Variants in FBXL13 observed in about 807,000 individuals in gnomAD.
The protein encoded by FBXL13 is F-box and leucine-rich repeat protein 13.
A neutral mutation model predicts 83.6 loss-of-function variants in FBXL13; 67 were observed. The ratio of observed to expected loss-of-function variants is 0.80; its 90% CI spans 0.66 to 0.98. FBXL13 has a LOEUF of 0.98. FBXL13 is among the 50% of genes least tolerant of loss of function. FBXL13 has a pLI of 0.00. For synonymous variants in FBXL13, 272 were observed against 299.5 expected (o/e 0.91, Z 0.95); for missense variants, 822 against 866.5 (o/e 0.95, Z 0.64).
At chr7:103,041,357 G>T (rs1466092670) in intron 2 of FBXL13, among the ~76,000 whole-genome samples, 1 of 152,082 alleles carries the variant, frequency 6.6e-6, no homozygotes, top group Non-Finnish European at 1.5e-5. Context: ...AAAAGACCAG[G>T]ACCAGACGGA....
At chr7:102,955,553 G>A (rs1160336649) in intron 8 of FBXL13, among the ~76,000 whole-genome samples, 2 of 148,522 alleles carry the variant, frequency 1.3e-5, no homozygotes, top group Admixed American at 6.7e-5. Context: ...AACTGAAAGA[G>A]ATAGAGACAC....
At chr7:102,846,241 T>G (rs1803924953) in intron 17 of FBXL13, among the ~76,000 whole-genome samples, 1 of 152,196 alleles carries the variant, frequency 6.6e-6, no homozygotes, top group Non-Finnish European at 1.5e-5. Flanking sequence ...AACAAACAGA[T>G]TATCCATGTC....
intron 6 of FBXL13, among the ~76,000 whole-genome samples, chr7:102,994,769 G>C (rs573577092): frequency 6.6e-6 from 1 of 152,236 alleles, no homozygotes; most frequent in East Asian, 1.9e-4. Flanking sequence ...AATGCTGCTG[G>C]CTTCTGATTG....
chr7:102,887,440 A>C (rs1397307877), intron 11 of FBXL13, among the ~76,000 whole-genome samples: 6 of 147,730 alleles, frequency 4.1e-5, no homozygotes, highest in Non-Finnish European at 7.4e-5. Context: ...CACACACACA[A>C]ACATCCAAGT....
intron 6 of FBXL13, among the ~76,000 whole-genome samples, chr7:103,018,068 CAGAA>C (rs1287059147): frequency 6.6e-6 from 1 of 152,026 alleles, no homozygotes; most frequent in Non-Finnish European, 1.5e-5. Flanking sequence ...TAAGGGCAGC[CAGAA>C]AGAAAGGTCA....
chr7:102,958,588 A>C (rs183265828), intron 8 of FBXL13, among the ~76,000 whole-genome samples: 237 of 151,238 alleles, frequency 1.6e-3, no homozygotes, highest in Non-Finnish European at 2.5e-3. Flanking sequence ...CAGAGAGAGC[A>C]AATTTGGGTG....
At chr7:102,838,086 C>T (rs1490757542) in intron 17 of FBXL13, among the ~76,000 whole-genome samples, 1 of 152,192 alleles carries the variant, frequency 6.6e-6, no homozygotes, top group Non-Finnish European at 1.5e-5. Flanking sequence ...TCTTCTCACT[C>T]GGTTCAGTAA....
At chr7:102,879,472 T>TGTGTGC (rs1809722902) in intron 14 of FBXL13, among the ~76,000 whole-genome samples, 1 of 151,162 alleles carries the variant, frequency 6.6e-6, no homozygotes, top group Non-Finnish European at 1.5e-5. Context: ...TGTGTGTGTG[T>TGTGTGC]AGAAATTCAT....
chr7:102,852,727 T>G (rs1333885901), intron 17 of FBXL13, among the ~76,000 whole-genome samples: 2 of 152,186 alleles, frequency 1.3e-5, no homozygotes, highest in African/African-American at 4.8e-5. Context: ...GGAACACTTC[T>G]GCACTACTGG....
At chr7:103,061,195 TC>T (rs1248447404) in intron 1 of FBXL13, among the ~76,000 whole-genome samples, 126 of 151,918 alleles carry the variant, frequency 8.3e-4, no homozygotes, top group Non-Finnish European at 9.1e-4. Context: ...TTTGTTTTTT[TC>T]TTTTTTGTTT....
intron 2 of FBXL13, among the ~76,000 whole-genome samples, chr7:103,034,525 C>T (rs192757657): frequency 3.7e-4 from 56 of 152,370 alleles, no homozygotes; most frequent in Non-Finnish European, 1.2e-4. Context: ...CACGCCCACC[C>T]GGAACTCCCG....
intron 6 of FBXL13, among the ~76,000 whole-genome samples, chr7:103,022,301 T>A (rs1793282107): frequency 7.0e-6 from 1 of 143,598 alleles, no homozygotes; most frequent in African/African-American, 2.6e-5. Flanking sequence ...GGACACAGGA[T>A]GGGGAACACC....
At chr7:102,975,806 T>G (rs879402811) in intron 6 of FBXL13, 2 of 604,016 alleles carry the variant, frequency 3.3e-6, no homozygotes, top group Non-Finnish European at 5.9e-6. Flanking sequence ...TTTCTTAATT[T>G]AGCCTTCAAA....
intron 6 of FBXL13, among the ~76,000 whole-genome samples, chr7:102,991,189 G>A (rs1829524032): frequency 1.3e-5 from 2 of 152,184 alleles, no homozygotes; most frequent in African/African-American, 4.8e-5. Flanking sequence ...ATGCAGTAGG[G>A]GGTAAAAGAG....
intron 2 of FBXL13, among the ~76,000 whole-genome samples, chr7:103,038,464 C>A (rs137867137): frequency 1.3e-5 from 2 of 152,374 alleles, no homozygotes; most frequent in African/African-American, 4.8e-5. Context: ...AGCAGTGATT[C>A]TCTCAGCACG....
chr7:102,935,242 C>CTTTTTTTTTTTTT (rs71106700), intron 8 of FBXL13, among the ~76,000 whole-genome samples: 1 of 76,402 alleles, frequency 1.3e-5, no homozygotes, highest in Non-Finnish European at 2.3e-5. Flanking sequence ...TTTTTTCTTT[C>CTTTTTTTTTTTTT]TTTTTTTTTT....
intron 7 of FBXL13, among the ~76,000 whole-genome samples, chr7:102,964,400 A>AT (rs1442338572): frequency 1.5e-5 from 2 of 135,496 alleles, no homozygotes; most frequent in South Asian, 4.3e-4. Context: ...CTATATATAT[A>AT]TATATTTTTT....
intron 16 of FBXL13, among the ~76,000 whole-genome samples, chr7:102,869,917 G>A (rs556628094): frequency 6.6e-6 from 1 of 152,316 alleles, no homozygotes; most frequent in East Asian, 1.9e-4. Context: ...GCCAGGGGCA[G>A]TGGGGATGGA....
At chr7:102,873,355 C>G (rs534908865) in intron 16 of FBXL13, among the ~76,000 whole-genome samples, 1 of 152,340 alleles carries the variant, frequency 6.6e-6, no homozygotes, top group East Asian at 1.9e-4. Context: ...TGCAGATGCT[C>G]AAGCCAAAAA....
Sources: allele counts gnomAD v4.1 joint callset (sites outside exome capture counted in the v4.1 genomes callset), GRCh38; gene constraint gnomAD v4.1.1; transcripts MANE v1.5; gene names NCBI Gene and HGNC (gene_info 2026-07-23, HGNC 2026-07-21).